CNBD1: variants seen among roughly 807,000 people sequenced by gnomAD.
CNBD1 encodes cyclic nucleotide-binding domain-containing protein 1.
In CNBD1, 71 loss-of-function variants were observed where a neutral mutation model predicts 54.4. The observed-to-expected ratio is 1.30, with a 90% CI of 1.08 to 1.59. The LOEUF is 1.59. Ranked by LOEUF, CNBD1 falls within the 40% of genes most tolerant of loss-of-function variation. CNBD1 has a pLI of 0.00. For synonymous variants in CNBD1, 182 were observed against 170.7 expected (o/e 1.07, Z -0.51); for missense variants, 659 against 518.0 (o/e 1.27, Z -2.64).
At chr8:87,274,692 G>A (rs1164581863) in intron 6 of CNBD1, among the ~76,000 whole-genome samples, 1 of 133,504 alleles carries the variant, frequency 7.5e-6, no homozygotes, top group South Asian at 2.5e-4. Context: ...TGAGTAGGTT[G>A]TGAAAATTTT....
intron 4 of CNBD1, among the ~76,000 whole-genome samples, chr8:86,958,884 G>A (rs1807852021): frequency 6.6e-6 from 1 of 152,124 alleles, no homozygotes; most frequent in Non-Finnish European, 1.5e-5. Context: ...ATATTAGCTG[G>A]TTACTTTACT....
At chr8:87,184,652 C>T (rs1813435269) in intron 4 of CNBD1, among the ~76,000 whole-genome samples, 1 of 152,152 alleles carries the variant, frequency 6.6e-6, no homozygotes, top group Admixed American at 6.5e-5. Flanking sequence ...TCACCCTTTC[C>T]CTAGAAGCCA....
At chr8:87,185,691 T>C (rs190699615) in intron 4 of CNBD1, among the ~76,000 whole-genome samples, 8 of 152,300 alleles carry the variant, frequency 5.3e-5, no homozygotes, top group Admixed American at 2.0e-4. Flanking sequence ...CTAATCTTTT[T>C]AGGTGCTTCA....
intron 8 of CNBD1, among the ~76,000 whole-genome samples, chr8:87,306,399 A>G (rs1809146919): frequency 6.6e-6 from 1 of 152,204 alleles, no homozygotes; most frequent in Non-Finnish European, 1.5e-5. Flanking sequence ...GCTACTGGGT[A>G]TCTACTCAGA....
At chr8:87,057,314 C>T (rs1810436637) in intron 4 of CNBD1, among the ~76,000 whole-genome samples, 1 of 152,102 alleles carries the variant, frequency 6.6e-6, no homozygotes, top group Non-Finnish European at 1.5e-5. Context: ...AAAAGGAATG[C>T]AGAATGAAGG....
At chr8:87,111,951 A>G (rs904485514) in intron 4 of CNBD1, among the ~76,000 whole-genome samples, 1 of 152,128 alleles carries the variant, frequency 6.6e-6, no homozygotes, top group Non-Finnish European at 1.5e-5. Flanking sequence ...TCTCCTACCT[A>G]CAGAGCACGT....
intron 2 of CNBD1, among the ~76,000 whole-genome samples, chr8:87,397,109 T>C (rs1811421377): frequency 6.6e-6 from 1 of 151,938 alleles, no homozygotes; most frequent in African/African-American, 2.4e-5. Flanking sequence ...CATTTTACAG[T>C]ACCAGCTTTG....
intron 3 of CNBD1, among the ~76,000 whole-genome samples, chr8:86,919,655 C>T (rs561763366): frequency 6.6e-6 from 1 of 152,140 alleles, no homozygotes; most frequent in Non-Finnish European, 1.5e-5. Context: ...AGTACTGAGA[C>T]AGCCTCAGGC....
intron 4 of CNBD1, among the ~76,000 whole-genome samples, chr8:87,032,347 C>T (rs1809813420): frequency 6.6e-6 from 1 of 152,102 alleles, no homozygotes; most frequent in Admixed American, 6.5e-5. Context: ...ATTATATAAA[C>T]AGTCAACAAA....
chr8:87,039,791 G>A (rs1665170890), intron 4 of CNBD1, among the ~76,000 whole-genome samples: 1 of 152,162 alleles, frequency 6.6e-6, no homozygotes, highest in Non-Finnish European at 1.5e-5. Context: ...TGACTGGTTG[G>A]GTTGGAAATG....
intron 10 of CNBD1, among the ~76,000 whole-genome samples, chr8:87,373,747 A>T (rs1810867770): frequency 6.6e-6 from 1 of 151,796 alleles, no homozygotes; most frequent in South Asian, 2.1e-4. Flanking sequence ...GTTCAAAACA[A>T]CCAAATGTTA....
At chr8:87,382,448 G>A (rs531744239) in intron 10 of CNBD1, among the ~76,000 whole-genome samples, 172 bp from the exon 11 acceptor site, 34 of 152,088 alleles carry the variant, frequency 2.2e-4, no homozygotes, top group South Asian at 6.2e-4. Context: ...TAGAGGGGGT[G>A]TAAAGTGTTA....
At chr8:86,984,682 G>T (rs183565435) in intron 4 of CNBD1, among the ~76,000 whole-genome samples, 116 of 152,242 alleles carry the variant, frequency 7.6e-4, no homozygotes, top group Non-Finnish European at 1.6e-3. Context: ...CTGGACTTTG[G>T]ACTTGCATGA....
chr8:87,415,682 G>A lies in CNBD1; in HGVS notation c.214-12864G>A, dbSNP rs1214180034. 2.0e-5 allele frequency among the ~76,000 whole-genome samples: 3 copies of A among 151,794 alleles called. No individual in the cohort carries two copies. In the East Asian group the frequency reaches 5.8e-4, roughly 29 times the overall value. Reference sequence around the variant, plus strand: ...TACTTATTTTCAAGACAGCATTAATGAGCATTCTAGATTCCTGTCCAAACT... The same window carrying A: ...TACTTATTTTCAAGACAGCATTAATAAGCATTCTAGATTCCTGTCCAAACT... On this transcript the variant is annotated intron_variant, in intron 2 of 7. Transcript: ENST00000521593.
chr8:86,905,394 C>T (rs958487131), intron 3 of CNBD1, among the ~76,000 whole-genome samples, 200 bp downstream of exon 3: 6 of 152,184 alleles, frequency 3.9e-5, no homozygotes, highest in Non-Finnish European at 8.8e-5. Context: ...TACGTGTCCA[C>T]TGCTAAAGAT....
chr8:87,338,575 A>T (rs1012277100), intron 8 of CNBD1, among the ~76,000 whole-genome samples: 2 of 150,568 alleles, frequency 1.3e-5, no homozygotes, highest in Admixed American at 6.6e-5. Context: ...TCTCCTCTAT[A>T]GGTAACGTAT....
chr8:87,219,328 G>A (rs773753798), intron 5 of CNBD1, among the ~76,000 whole-genome samples: 2 of 151,964 alleles, frequency 1.3e-5, no homozygotes, highest in Admixed American at 6.6e-5. Flanking sequence ...AGAAAATGTG[G>A]GACATAAATG....
intron 4 of CNBD1, among the ~76,000 whole-genome samples, chr8:87,053,717 G>A (rs573293784): frequency 5.9e-5 from 9 of 152,288 alleles, no homozygotes; most frequent in South Asian, 2.1e-4. Context: ...ACTCCCTTGC[G>A]TGACTGGTAT....
chr8:87,167,947 G>T (rs1586302789), intron 4 of CNBD1, among the ~76,000 whole-genome samples: 1 of 151,848 alleles, frequency 6.6e-6, no homozygotes, highest in Non-Finnish European at 1.5e-5. Flanking sequence ...CATAGCTATT[G>T]CTCCTAGATT....
Sources: gnomAD v4.1 joint callset for allele counts (sites outside exome capture counted in the v4.1 genomes callset) on GRCh38, gnomAD v4.1.1 for gene constraint, MANE v1.5 for transcripts, NCBI Gene and HGNC (gene_info 2026-07-23, HGNC 2026-07-21) for gene names.